Variants in ZRANB3 observed in about 807,000 individuals in gnomAD.
The protein encoded by ZRANB3 is zinc finger RANBP2-type containing 3, also known as DNA annealing helicase and endonuclease ZRANB3.
ZRANB3 carries 125 observed loss-of-function variants against 133.8 expected under a neutral mutation model. The ratio of observed to expected loss-of-function variants is 0.93; its 90% CI spans 0.81 to 1.08. ZRANB3 has a LOEUF of 1.08. Ranked by LOEUF, ZRANB3 falls within the 50% of genes least tolerant of loss-of-function variation. ZRANB3 has a pLI of 0.00. For synonymous variants in ZRANB3, 387 were observed against 432.7 expected (o/e 0.89, Z 1.31); for missense variants, 1,229 against 1,275.5 (o/e 0.96, Z 0.56).
At chr2:135,528,959 T>C (rs973641925) in intron 1 of ZRANB3, among the ~76,000 whole-genome samples, 1 of 152,222 alleles carries the variant, frequency 6.6e-6, no homozygotes, top group African/African-American at 2.4e-5. Flanking sequence ...ACATACAAAA[T>C]GTGACTAAAG....
intron 12 of ZRANB3, among the ~76,000 whole-genome samples, chr2:135,235,988 A>G (rs1298131674): frequency 6.6e-6 from 1 of 152,198 alleles, no homozygotes. Context: ...GGAAAAGAGG[A>G]AGTCAAATTG....
intron 2 of ZRANB3, among the ~76,000 whole-genome samples, chr2:135,452,127 C>G (rs929161882): frequency 1.3e-5 from 2 of 152,102 alleles, no homozygotes; most frequent in Admixed American, 1.3e-4. Context: ...AGGCAAAAGG[C>G]ACTTCTTACA....
chr2:135,362,215 G>A (rs199984668), intron 3 of ZRANB3, among the ~76,000 whole-genome samples: 1 of 147,966 alleles, frequency 6.8e-6, no homozygotes, highest in South Asian at 2.1e-4. Context: ...AAAAAAAAAA[G>A]AATAGAATAG....
chr2:135,303,148 A>G (rs1682518799), intron 8 of ZRANB3, among the ~76,000 whole-genome samples: 1 of 152,132 alleles, frequency 6.6e-6, no homozygotes, highest in Admixed American at 6.5e-5. Flanking sequence ...TTTTCTTCCA[A>G]TCTATGTTTT....
At chr2:135,371,752 C>A (rs949056778) in intron 3 of ZRANB3, among the ~76,000 whole-genome samples, 11 of 150,536 alleles carry the variant, frequency 7.3e-5, no homozygotes, top group African/African-American at 2.7e-4. Context: ...CTGTCAAGGG[C>A]TGAATGTTTT....
At chr2:135,422,187 C>T (rs762912985) in intron 2 of ZRANB3, among the ~76,000 whole-genome samples, 13 of 152,070 alleles carry the variant, frequency 8.5e-5, no homozygotes, top group East Asian at 7.7e-4. Context: ...CTGACAGCTA[C>T]GTTTTTCTGC....
chr2:135,434,855 A>G (rs1449116501), intron 2 of ZRANB3, among the ~76,000 whole-genome samples: 1 of 152,234 alleles, frequency 6.6e-6, no homozygotes, highest in African/African-American at 2.4e-5. Flanking sequence ...TATTTTCATT[A>G]TCTGATTGTG....
intron 2 of ZRANB3, among the ~76,000 whole-genome samples, chr2:135,416,114 G>C (rs13382879): frequency 0.077 from 11,693 of 151,348 alleles, 1,498 homozygotes; most frequent in African/African-American, 0.27. Context: ...CCAGGGCAAT[G>C]AGGCAGGAGA....
chr2:135,363,862 T>C (rs1685805732), intron 3 of ZRANB3, among the ~76,000 whole-genome samples: 1 of 152,118 alleles, frequency 6.6e-6, no homozygotes, highest in South Asian at 2.1e-4. Context: ...GATTGTCTGA[T>C]GCCAGGATTT....
chr2:135,329,610 C>T (rs995811758), intron 6 of ZRANB3, among the ~76,000 whole-genome samples: 6 of 152,222 alleles, frequency 3.9e-5, no homozygotes, highest in Non-Finnish European at 5.9e-5. Context: ...TCATTGGTAG[C>T]GTGATGGGGA....
chr2:135,238,236 T>A (rs1695390664), intron 12 of ZRANB3, among the ~76,000 whole-genome samples: 1 of 152,214 alleles, frequency 6.6e-6, no homozygotes, highest in Non-Finnish European at 1.5e-5. Flanking sequence ...TCAATGATGG[T>A]CACACCAATT....
chr2:135,481,077 G>T (rs1256499017), intron 2 of ZRANB3, among the ~76,000 whole-genome samples: 1 of 152,000 alleles, frequency 6.6e-6, no homozygotes, highest in Non-Finnish European at 1.5e-5. Context: ...ATAAACATAC[G>T]TGAGCATGTG....
intron 2 of ZRANB3, among the ~76,000 whole-genome samples, chr2:135,486,174 A>G (rs922196646): frequency 6.6e-6 from 1 of 152,192 alleles, no homozygotes. Context: ...TTCTTTCATG[A>G]AAGATTTCTT....
At chr2:135,517,793 TG>T (rs1693761794) in intron 1 of ZRANB3, among the ~76,000 whole-genome samples, 1 of 152,202 alleles carries the variant, frequency 6.6e-6, no homozygotes, top group Non-Finnish European at 1.5e-5. Flanking sequence ...AGTGCTGTGC[TG>T]GGAGATATGC....
chr2:135,413,736 C>CT (rs1335674968), intron 2 of ZRANB3, among the ~76,000 whole-genome samples: 15 of 152,122 alleles, frequency 9.9e-5, no homozygotes, highest in Admixed American at 9.8e-4. Context: ...TCTATTTCCA[C>CT]AGGTTTTGTA....
chr2:135,230,414 G>A, intron 13 of ZRANB3, 99 bp downstream of exon 13: 1 of 1,129,114 alleles, frequency 8.9e-7, no homozygotes, highest in Non-Finnish European at 1.2e-6. Context: ...GTTGTGCTGA[G>A]TCACACTAAC....
At chr2:135,335,836 T>G (rs955695090) in intron 6 of ZRANB3, among the ~76,000 whole-genome samples, 2 of 152,202 alleles carry the variant, frequency 1.3e-5, no homozygotes, top group African/African-American at 4.8e-5. Context: ...TGTTCTCTTT[T>G]TCTATGTAAA....
chr2:135,493,686 G>T (rs1022098990), intron 2 of ZRANB3, among the ~76,000 whole-genome samples: 2 of 152,062 alleles, frequency 1.3e-5, no homozygotes, highest in Non-Finnish European at 2.9e-5. Flanking sequence ...ACAGAGATGT[G>T]GATCATCTAG....
chr2:135,398,062 A>ATTAT (rs780802634), intron 2 of ZRANB3, among the ~76,000 whole-genome samples: 10 of 151,282 alleles, frequency 6.6e-5, no homozygotes, highest in Non-Finnish European at 1.0e-4. Context: ...TGTTTTTCTT[A>ATTAT]TTATTTATTT....
Sources: gnomAD v4.1 joint callset for allele counts (sites outside exome capture counted in the v4.1 genomes callset) on GRCh38, gnomAD v4.1.1 for gene constraint, MANE v1.5 for transcripts, NCBI Gene and HGNC (gene_info 2026-07-23, HGNC 2026-07-21) for gene names.